The following STYK1 variants were observed in gnomAD, a reference collection of about 807,000 sequenced individuals.
STYK1 encodes STY kinase 1.
A neutral mutation model predicts 48.1 loss-of-function variants in STYK1; 46 were observed. That is an observed-to-expected ratio of 0.96 (90% confidence interval 0.75 to 1.22). The LOEUF is 1.22. Ranked by LOEUF, STYK1 falls within the 50% of genes most tolerant of loss-of-function variation. STYK1 has a pLI of 0.00. For synonymous variants in STYK1, 188 were observed against 189.0 expected, an observed-to-expected ratio of 0.99 and a Z score of 0.04; for missense variants, 527 against 521.1, an observed-to-expected ratio of 1.01 and a Z score of -0.11.
chr12:10,622,660 C>A lies in STYK1; in HGVS notation c.945G>T (p.Leu315=). 6.2e-7 allele frequency: 1 copy of A among 1,613,976 alleles called. No homozygotes were observed. Among genetic ancestry groups the A allele is most frequent in the South Asian group, 1.1e-5 (1 of 91,076 alleles). Residue 315 remains leucine, a synonymous_variant, in exon 9 of 11, where the codon CTG becomes CTT. Transcript: ENST00000075503. The part of the protein sequence containing the change: ...IRADVWSFGI[L]LYEMVTLGAP... ...TACCTAGAGTCACCATCTCATAGAG[C>A]AGGATCCCAAAAGACCAGCTGTAAA...
chr12:10,646,369 T>C (rs1947599309), intron 1 of STYK1, among the ~76,000 whole-genome samples: 1 of 152,244 alleles, frequency 6.6e-6, no homozygotes, highest in Admixed American at 6.5e-5. Context: ...ACTCTTGTTA[T>C]GTTTTAGCAA....
intron 1 of STYK1, among the ~76,000 whole-genome samples, chr12:10,639,702 C>G (rs992247810): frequency 6.6e-6 from 1 of 152,202 alleles, no homozygotes; most frequent in Non-Finnish European, 1.5e-5. Flanking sequence ...GCGTGAGCCA[C>G]TGTACCCCAC....
chr12:10,644,713 T>A (rs192660421), intron 1 of STYK1, among the ~76,000 whole-genome samples: 1 of 152,096 alleles, frequency 6.6e-6, no homozygotes, highest in African/African-American at 2.4e-5. Flanking sequence ...ACAGTGGTTG[T>A]AGAAGGTAAG....
chr12:10,629,558 G>A lies in STYK1; in HGVS notation c.568C>T (p.Leu190Phe), dbSNP rs963187265. Residue 190 changes from leucine (L) to phenylalanine (F), a missense_variant, in exon 6 of 11, where the codon CTC (leucine) becomes TTC (phenylalanine). By Grantham distance (22) the Leu-to-Phe change is conservative. Transcript: ENST00000075503. ...GCCACATCCTCCAACACCATATAGA[G>A]TGGCAGCTTTTCAGTGCAGCAGCCT... ...LEGCCTEKLP[L>F]YMVLEDVAQG... 1 of 1,614,158 alleles carries A rather than the reference G, an allele frequency of 6.2e-7. No individual in the cohort carries two copies. The highest frequency in any genetic ancestry group is 1.3e-5 in the African/African-American group (1 of 75,032).
chr12:10,623,336 G>A (rs1947320955), intron 8 of STYK1, among the ~76,000 whole-genome samples: 1 of 152,116 alleles, frequency 6.6e-6, no homozygotes, highest in African/African-American at 2.4e-5. Flanking sequence ...TCTCATAACT[G>A]ACTCATCATA....
At chr12:10,659,645 A>G (rs538974315) in intron 1 of STYK1, among the ~76,000 whole-genome samples, 1 of 152,298 alleles carries the variant, frequency 6.6e-6, no homozygotes, top group Non-Finnish European at 1.5e-5. Flanking sequence ...ATTTTATGGT[A>G]CAAAACCATG....
chr12:10,648,771 GC>G (rs1260301570), intron 1 of STYK1, among the ~76,000 whole-genome samples: 1 of 151,968 alleles, frequency 6.6e-6, no homozygotes, highest in Non-Finnish European at 1.5e-5. Context: ...TTGCCATGTT[GC>G]CCAGGCTGAT....
chr12:10,643,494 T>C (rs1322686696), intron 1 of STYK1, among the ~76,000 whole-genome samples: 2 of 152,326 alleles, frequency 1.3e-5, no homozygotes, highest in East Asian at 1.9e-4. Flanking sequence ...ACTTCTACAA[T>C]CTAGTTAGTT....
chr12:10,655,952 T>C (rs77332518), intron 1 of STYK1, among the ~76,000 whole-genome samples: 2,357 of 152,334 alleles, frequency 0.015, 55 homozygotes, highest in African/African-American at 0.054. Flanking sequence ...AAAAGTTTTT[T>C]TCTTCTCAGT....
chr12:10,643,976 A>AG, intron 1 of STYK1, among the ~76,000 whole-genome samples: 1 of 151,798 alleles, frequency 6.6e-6, no homozygotes, highest in South Asian at 2.1e-4. Context: ...TTTTAGAAAA[A>AG]AAAAATTATT....
rs1202960431 is a variant in STYK1, at chr12:10,666,961, A to C, written c.-195+7005T>G. Among the ~76,000 whole-genome samples the C allele has an allele frequency of 4.6e-5, 7 of 152,318 alleles. No homozygotes were observed. The East Asian group carries it at 1.4e-3, about 29-fold the overall frequency. ...TGTGTATTACTGAGATTTTTCTATA[A>C]CCACAATGCATAGTTTGAAACATGT... On this transcript the variant is annotated intron_variant, in intron 1 of 10. Transcript: ENST00000075503.
In STYK1 at chr12:10,620,317, G is replaced by T; in HGVS notation, c.1096C>A (p.Arg366Ser). ...CTAGGTGAGGGGCGGTCAGCCTCAC[G>T]CCAGCGCCAGCAGGACTTCATGATA... ...YSIMKSCWRW[R>S]EADRPSPREL... Residue 366 changes from arginine to serine, a missense_variant, in exon 11 of 11, where the codon CGT (arginine) becomes AGT (serine). Physicochemically the swap from Arg to Ser is moderately radical, Grantham distance 110 (BLOSUM62 -1). Coordinates refer to ENST00000075503, the MANE Select transcript of STYK1 (RefSeq NM_018423.3). The T allele has an allele frequency of 1.2e-6, 2 of 1,613,410 alleles. No individual in the cohort carries two copies. The highest frequency in any genetic ancestry group is 1.7e-6 in the Non-Finnish European group (2 of 1,180,036).
chr12:10,627,046 T>A (rs193137394), intron 7 of STYK1, among the ~76,000 whole-genome samples: 1 of 152,248 alleles, frequency 6.6e-6, no homozygotes, highest in East Asian at 1.9e-4. Context: ...TTAAGTTGTT[T>A]TAAAATAAAG....
chr12:10,653,776 G>T (rs1194514061), intron 1 of STYK1, among the ~76,000 whole-genome samples: 1 of 152,156 alleles, frequency 6.6e-6, no homozygotes, highest in African/African-American at 2.4e-5. Flanking sequence ...TACCCTCATG[G>T]ATTCTTGACT....
At chr12:10,665,067 G>C (rs554589399) in intron 1 of STYK1, among the ~76,000 whole-genome samples, 1 of 152,280 alleles carries the variant, frequency 6.6e-6, no homozygotes, top group South Asian at 2.1e-4. Flanking sequence ...ATATGGGTGA[G>C]GAAAAGAGAC....
chr12:10,654,113 T>C (rs1343358073), intron 1 of STYK1, among the ~76,000 whole-genome samples: 1 of 152,202 alleles, frequency 6.6e-6, no homozygotes, highest in Non-Finnish European at 1.5e-5. Context: ...ATTAGCATGC[T>C]AAGAGACACT....
At chr12:10,662,002 T>C (rs1051199742) in intron 1 of STYK1, among the ~76,000 whole-genome samples, 3 of 152,126 alleles carry the variant, frequency 2.0e-5, no homozygotes, top group Non-Finnish European at 4.4e-5. Flanking sequence ...CCCTACCCAA[T>C]AGCAATCATT....
At chr12:10,631,604 T>C (rs1947430022) in intron 4 of STYK1, among the ~76,000 whole-genome samples, 1 of 152,216 alleles carries the variant, frequency 6.6e-6, no homozygotes, top group Admixed American at 6.5e-5. Context: ...GAGTGTGGTA[T>C]GGAGACAATT....
At chr12:10,645,546 A>G (rs1947589692) in intron 1 of STYK1, among the ~76,000 whole-genome samples, 2 of 152,222 alleles carry the variant, frequency 1.3e-5, no homozygotes, top group African/African-American at 4.8e-5. Flanking sequence ...ACACACCCAC[A>G]CACACTGAAA....
Sources: gnomAD v4.1 joint callset for allele counts (sites outside exome capture counted in the v4.1 genomes callset) on GRCh38, gnomAD v4.1.1 for gene constraint, MANE v1.5 for transcripts, NCBI Gene and HGNC (gene_info 2026-07-23, HGNC 2026-07-21) for gene names.